Variants in TBC1D5 observed in about 807,000 individuals in gnomAD.
TBC1D5 encodes the protein TBC1 domain family member 5.
TBC1D5 carries 75 observed loss-of-function variants against 100.3 expected under a neutral mutation model. The ratio of observed to expected loss-of-function variants is 0.75; its 90% CI spans 0.62 to 0.91. TBC1D5 has a LOEUF of 0.91. Among genes scored for constraint, TBC1D5 ranks in the 40% least tolerant of loss-of-function variants. TBC1D5 has a pLI of 0.00. For missense variants in TBC1D5, 910 were observed against 942.4 expected (o/e 0.97, Z 0.45); for synonymous variants, 323 against 325.6 (o/e 0.99, Z 0.09).
At chr3:17,202,150 T>G (rs984282570) in intron 18 of TBC1D5, among the ~76,000 whole-genome samples, 3 of 152,226 alleles carry the variant, frequency 2.0e-5, no homozygotes, top group African/African-American at 7.2e-5. Context: ...GATGAGAAAC[T>G]TATTGGGAAT....
In TBC1D5 at chr3:17,160,826, A is replaced by G; in HGVS notation, c.*137T>C. Reference sequence around the variant, plus strand: ...TATGCTTCTCTCTAAGGGGTTTCAAAGGGCTGGACCAATGCAAAATGCATG... The same window carrying G: ...TATGCTTCTCTCTAAGGGGTTTCAAGGGGCTGGACCAATGCAAAATGCATG... On this transcript the variant is annotated 3_prime_UTR_variant, in exon 22 of 22. Transcript: ENST00000253692. 5 of 1,159,124 alleles carry G rather than the reference A, an allele frequency of 4.3e-6. No individual in the cohort carries two copies. The South Asian group carries it at 4.9e-5, about 11-fold the overall frequency. The allele number at this position is 1,159,124 out of a possible 1,614,324, so 71.8% of individuals were successfully genotyped here. A position where few individuals can be genotyped will look rare whatever the true frequency, so the allele number is the denominator to read the frequency against.
At chr3:17,642,525 T>A (rs1467643387) in intron 1 of TBC1D5, among the ~76,000 whole-genome samples, 1 of 152,168 alleles carries the variant, frequency 6.6e-6, no homozygotes, top group East Asian at 1.9e-4. Context: ...GATTTGAAGG[T>A]CATCTACCAT....
chr3:17,522,586 T>C (rs1019634216), intron 2 of TBC1D5, among the ~76,000 whole-genome samples: 6 of 151,992 alleles, frequency 3.9e-5, no homozygotes, highest in Admixed American at 6.5e-5. Flanking sequence ...AAACTCTACA[T>C]AGAACAGATA....
At chr3:17,637,529 G>C (rs541718607) in intron 1 of TBC1D5, among the ~76,000 whole-genome samples, 1 of 151,486 alleles carries the variant, frequency 6.6e-6, no homozygotes, top group Admixed American at 6.6e-5. Flanking sequence ...TTATATAACA[G>C]ACCCGAAGTA....
At chr3:17,488,803 C>T (rs1560001683) in intron 3 of TBC1D5, among the ~76,000 whole-genome samples, 1 of 151,844 alleles carries the variant, frequency 6.6e-6, no homozygotes. Context: ...GGAACCAGGC[C>T]ACACAATAGG....
At chr3:17,233,710 A>T in intron 17 of TBC1D5, 3 of 1,545,350 alleles carry the variant, frequency 1.9e-6, no homozygotes, top group Non-Finnish European at 2.6e-6. Context: ...GAGTCTGGAC[A>T]GGAACAGAAA....
chr3:17,411,729 T>C (rs1369749881), intron 4 of TBC1D5, among the ~76,000 whole-genome samples: 2 of 152,150 alleles, frequency 1.3e-5, no homozygotes, highest in Admixed American at 1.3e-4. Flanking sequence ...ACATACTACT[T>C]ATGTAATGAA....
At chr3:17,351,854 C>A (rs992524666) in intron 13 of TBC1D5, among the ~76,000 whole-genome samples, 2 of 150,098 alleles carry the variant, frequency 1.3e-5, no homozygotes, top group East Asian at 1.9e-4. Context: ...CTCCTACCTA[C>A]AAAATTTCTC....
At chr3:17,632,421 T>C (rs763896956) in intron 1 of TBC1D5, among the ~76,000 whole-genome samples, 18 of 152,222 alleles carry the variant, frequency 1.2e-4, no homozygotes, top group Admixed American at 6.5e-5. Flanking sequence ...ACAAAGGATT[T>C]AGAATATTCC....
intron 13 of TBC1D5, among the ~76,000 whole-genome samples, chr3:17,309,361 A>T (rs1014955112): frequency 6.6e-6 from 1 of 152,046 alleles, no homozygotes; most frequent in Non-Finnish European, 1.5e-5. Context: ...TAATTAGATT[A>T]TATTTTCAAC....
chr3:17,330,658 G>C (rs1559647288), intron 13 of TBC1D5, among the ~76,000 whole-genome samples: 1 of 152,034 alleles, frequency 6.6e-6, no homozygotes, highest in Non-Finnish European at 1.5e-5. Flanking sequence ...TTGGAGATGA[G>C]TTCCCCTTGC....
At chr3:17,219,061 T>C (rs1212915563) in intron 17 of TBC1D5, among the ~76,000 whole-genome samples, 2 of 151,688 alleles carry the variant, frequency 1.3e-5, no homozygotes, top group Admixed American at 1.3e-4. Flanking sequence ...CTTCATGGTG[T>C]TCTGCAGGTC....
At chr3:17,485,287 AATTTT>A (rs68124551) in intron 3 of TBC1D5, among the ~76,000 whole-genome samples, 12,296 of 150,984 alleles carry the variant, frequency 0.081, 1,045 homozygotes, top group African/African-American at 0.22. Flanking sequence ...TTTTTAGTAA[AATTTT>A]ATTTTATTTT....
At chr3:17,540,691 G>A (rs1022638527) in intron 2 of TBC1D5, among the ~76,000 whole-genome samples, 2 of 151,738 alleles carry the variant, frequency 1.3e-5, no homozygotes, top group African/African-American at 2.4e-5. Flanking sequence ...GGCAGATCAC[G>A]AGGTCAAGAG....
At chr3:17,703,612 C>G (rs1258780316) in intron 1 of TBC1D5, among the ~76,000 whole-genome samples, 2 of 151,996 alleles carry the variant, frequency 1.3e-5, no homozygotes, top group African/African-American at 4.8e-5. Context: ...AAAGAGGATG[C>G]AAGCTTACTA....
chr3:17,321,381 G>A (rs1222779731), intron 13 of TBC1D5, among the ~76,000 whole-genome samples: 4 of 152,108 alleles, frequency 2.6e-5, no homozygotes, highest in Middle Eastern at 3.2e-3. Context: ...AATGAACTAC[G>A]TAAAATTTTT....
chr3:17,194,108 G>A (rs924966353), intron 18 of TBC1D5, among the ~76,000 whole-genome samples: 1 of 152,186 alleles, frequency 6.6e-6, no homozygotes, highest in African/African-American at 2.4e-5. Context: ...TCTCCCAGGG[G>A]ATGGGATGCA....
intron 3 of TBC1D5, among the ~76,000 whole-genome samples, chr3:17,486,294 T>C (rs1434139272): frequency 6.6e-6 from 1 of 152,196 alleles, no homozygotes; most frequent in Non-Finnish European, 1.5e-5. Context: ...AGGTTGCCTG[T>C]TCACTCTGAT....
At chr3:17,384,318 G>T (rs11915588) in intron 8 of TBC1D5, among the ~76,000 whole-genome samples, 9,237 of 152,024 alleles carry the variant, frequency 0.061, 550 homozygotes, top group African/African-American at 0.15. Flanking sequence ...CTGCAGATGG[G>T]GAGTTGCTTT....
Sources: gnomAD v4.1 joint callset for allele counts (sites outside exome capture counted in the v4.1 genomes callset) on GRCh38, gnomAD v4.1.1 for gene constraint, MANE v1.5 for transcripts, NCBI Gene and HGNC (gene_info 2026-07-23, HGNC 2026-07-21) for gene names.